The following PTPRD variants were observed in gnomAD, a reference collection of about 807,000 sequenced individuals.
PTPRD encodes the protein receptor-type tyrosine-protein phosphatase delta.
Under a neutral mutation model 214.5 loss-of-function variants are expected in PTPRD, and 34 were observed. The observed-to-expected ratio is 0.16, with a 90% CI of 0.12 to 0.21. The LOEUF is 0.21. PTPRD is among the 10% of genes least tolerant of loss of function. PTPRD has a pLI of 1.00. For missense variants in PTPRD, 2,545 were observed against 2,398.7 expected (o/e 1.06, Z -1.27); for synonymous variants, 1,128 against 845.7 (o/e 1.33, Z -5.79).
intron 7 of PTPRD, among the ~76,000 whole-genome samples, chr9:9,614,057 A>G (rs2094702506): frequency 1.3e-5 from 2 of 152,070 alleles, no homozygotes; most frequent in Admixed American, 6.6e-5. Flanking sequence ...TACTCAGTAC[A>G]GTGTCTGGCA....
chr9:8,553,454 T>A (rs2082717526), intron 14 of PTPRD, among the ~76,000 whole-genome samples: 1 of 152,202 alleles, frequency 6.6e-6, no homozygotes, highest in Admixed American at 6.5e-5. Flanking sequence ...AGTAGTGGAA[T>A]GCATTAATTC....
chr9:8,756,864 G>A (rs2094025571), intron 11 of PTPRD, among the ~76,000 whole-genome samples: 1 of 152,152 alleles, frequency 6.6e-6, no homozygotes, highest in Admixed American at 6.5e-5. Flanking sequence ...AACCAGGCCA[G>A]GCGCTGTGGC....
At chr9:9,409,429 C>T (rs1250180465) in intron 8 of PTPRD, among the ~76,000 whole-genome samples, 1 of 151,966 alleles carries the variant, frequency 6.6e-6, no homozygotes, top group Non-Finnish European at 1.5e-5. Context: ...AGTAACCTGA[C>T]ATGGAAATCA....
At chr9:8,666,776 C>T (rs1346862817) in intron 12 of PTPRD, among the ~76,000 whole-genome samples, 5 of 152,158 alleles carry the variant, frequency 3.3e-5, no homozygotes, top group African/African-American at 1.2e-4. Context: ...AGACATCTAG[C>T]AGAACATAAC....
intron 5 of PTPRD, among the ~76,000 whole-genome samples, chr9:9,789,838 G>A (rs1282705034): frequency 6.9e-6 from 1 of 144,004 alleles, no homozygotes; most frequent in African/African-American, 2.6e-5. Context: ...AAATCGAGTC[G>A]TAATTTATCA....
Position 10,322,493 on chromosome 9 carries a change from G to A in PTPRD, c.-545+18470C>T, listed in dbSNP as rs555902446. Among the ~76,000 whole-genome samples the A allele has an allele frequency of 5.3e-5, 8 of 152,046 alleles. No individual in the cohort carries two copies. In the East Asian group the frequency reaches 1.6e-3, roughly 30 times the overall value. ...AATATACAGTGATTTTAGGATACTC[G>A]AGCCTAGCTTATATATTTGCATCTA... On this transcript the variant is annotated intron_variant, in intron 3 of 45. Transcript: ENST00000381196.
intron 3 of PTPRD, among the ~76,000 whole-genome samples, chr9:10,275,069 A>G (rs1246214080): frequency 6.6e-6 from 1 of 152,206 alleles, no homozygotes; most frequent in African/African-American, 2.4e-5. Context: ...TCACATTTCA[A>G]TAGGGCTGCT....
At chr9:9,639,376 T>C (rs2095866521) in intron 7 of PTPRD, among the ~76,000 whole-genome samples, 1 of 152,206 alleles carries the variant, frequency 6.6e-6, no homozygotes, top group Non-Finnish European at 1.5e-5. Context: ...AAAAACTCCT[T>C]GGGATATTCA....
intron 12 of PTPRD, among the ~76,000 whole-genome samples, chr9:8,648,930 T>C (rs1354115761): frequency 6.6e-6 from 1 of 152,232 alleles, no homozygotes; most frequent in East Asian, 1.9e-4. Flanking sequence ...ACATTAGATG[T>C]GCTGATCATC....
intron 5 of PTPRD, among the ~76,000 whole-genome samples, chr9:9,822,230 G>T (rs998122010): frequency 6.6e-6 from 1 of 150,572 alleles, no homozygotes; most frequent in Non-Finnish European, 1.5e-5. Flanking sequence ...GGCCAACATG[G>T]TGAAACCCCT....
chr9:9,487,564 T>C (rs1412788601), intron 8 of PTPRD, among the ~76,000 whole-genome samples: 1 of 101,804 alleles, frequency 9.8e-6, no homozygotes, highest in Non-Finnish European at 2.1e-5. Flanking sequence ...ATTTTCTTAA[T>C]TCAAAAAAAT....
At chr9:9,443,829 C>T (rs1588581370) in intron 8 of PTPRD, among the ~76,000 whole-genome samples, 1 of 152,134 alleles carries the variant, frequency 6.6e-6, no homozygotes, top group East Asian at 1.9e-4. Flanking sequence ...AAAGATGATG[C>T]TTTAAGCTGC....
At chr9:9,450,562 A>G (rs1027986581) in intron 8 of PTPRD, among the ~76,000 whole-genome samples, 6 of 151,886 alleles carry the variant, frequency 4.0e-5, no homozygotes, top group African/African-American at 1.2e-4. Flanking sequence ...GGAGTTTGTT[A>G]TAAGAAAGAC....
chr9:8,957,222 A>T (rs939334952), intron 11 of PTPRD, among the ~76,000 whole-genome samples: 7 of 151,712 alleles, frequency 4.6e-5, no homozygotes, highest in Non-Finnish European at 7.4e-5. Flanking sequence ...TCCTTTTATT[A>T]TCTAAATATA....
chr9:10,607,080 T>C (rs2079593135), intron 2 of PTPRD, among the ~76,000 whole-genome samples: 1 of 151,904 alleles, frequency 6.6e-6, no homozygotes, highest in Non-Finnish European at 1.5e-5. Flanking sequence ...ATTTAAGCTA[T>C]CTCTGATCTC....
intron 14 of PTPRD, among the ~76,000 whole-genome samples, chr9:8,577,872 C>G (rs968712101): frequency 6.6e-6 from 1 of 152,074 alleles, no homozygotes; most frequent in South Asian, 2.1e-4. Context: ...GTTCAACAAG[C>G]CTTTCAGGTG....
intron 5 of PTPRD, among the ~76,000 whole-genome samples, chr9:9,791,698 A>G (rs1365539275): frequency 6.6e-6 from 1 of 152,142 alleles, no homozygotes. Context: ...GCTATCATTT[A>G]GATCTTACCA....
At chr9:9,843,844 C>A (rs929794567) in intron 5 of PTPRD, among the ~76,000 whole-genome samples, 1 of 151,940 alleles carries the variant, frequency 6.6e-6, no homozygotes, top group Non-Finnish European at 1.5e-5. Context: ...TGGTTGTTAA[C>A]TGATTGATGG....
chr9:10,335,226 C>T (rs1023800406), intron 3 of PTPRD, among the ~76,000 whole-genome samples: 1 of 151,520 alleles, frequency 6.6e-6, no homozygotes, highest in African/African-American at 2.4e-5. Context: ...GTGGTACTGG[C>T]AAAATAACAG....
Sources: gnomAD v4.1 joint callset for allele counts (sites outside exome capture counted in the v4.1 genomes callset) on GRCh38, gnomAD v4.1.1 for gene constraint, MANE v1.5 for transcripts, NCBI Gene and HGNC (gene_info 2026-07-23, HGNC 2026-07-21) for gene names.